The following MAP2 variants were observed in gnomAD, a reference collection of about 807,000 sequenced individuals.
The protein encoded by MAP2 is microtubule associated protein 2.
MAP2 carries 14 observed loss-of-function variants against 137.6 expected under a neutral mutation model. That is an observed-to-expected ratio of 0.10 (90% CI 0.07 to 0.16). MAP2 has a LOEUF of 0.16. Among genes scored for constraint, MAP2 ranks in the 10% least tolerant of loss-of-function variants. The pLI is 1.00. For missense variants in MAP2, 2,088 were observed against 2,191.5 expected (o/e 0.95, Z 0.94); for synonymous variants, 786 against 782.3 (o/e 1.00, Z -0.08).
At chr2:209,497,721 A>G (rs1469922343) in intron 1 of MAP2, among the ~76,000 whole-genome samples, 1 of 152,078 alleles carries the variant, frequency 6.6e-6, no homozygotes, top group East Asian at 1.9e-4. Flanking sequence ...ACAAGAGAGA[A>G]AGAGAGAGTA....
intron 2 of MAP2, among the ~76,000 whole-genome samples, chr2:209,510,515 C>G (rs561898256): frequency 6.6e-6 from 1 of 152,066 alleles, no homozygotes; most frequent in South Asian, 2.1e-4. Context: ...AGGTGAGTAA[C>G]GTGTACATTA....
At chr2:209,527,840 C>A (rs1183382797) in intron 2 of MAP2, among the ~76,000 whole-genome samples, 3 of 152,152 alleles carry the variant, frequency 2.0e-5, no homozygotes, top group Non-Finnish European at 4.4e-5. Context: ...TGCGTTTTGT[C>A]AAGTCTTCCA....
chr2:209,678,494 A>G (rs1042936936), intron 5 of MAP2, 78 bp from the exon 6 acceptor site: 3 of 667,654 alleles, frequency 4.5e-6, no homozygotes, highest in African/African-American at 3.7e-5. Flanking sequence ...ATAATCCACT[A>G]TACTGTTTGG....
At chr2:209,429,246 C>T (rs927902909) in intron 1 of MAP2, among the ~76,000 whole-genome samples, 1 of 152,150 alleles carries the variant, frequency 6.6e-6, no homozygotes, top group East Asian at 1.9e-4. Context: ...AGCCACCGTG[C>T]CCGGCAATTA....
intron 2 of MAP2, among the ~76,000 whole-genome samples, chr2:209,571,387 T>C (rs2074373573): frequency 6.6e-6 from 1 of 152,018 alleles, no homozygotes; most frequent in Non-Finnish European, 1.5e-5. Context: ...GTAAACAGTA[T>C]TCCGATTTCT....
chr2:209,434,154 A>G (rs1695075894), intron 1 of MAP2, among the ~76,000 whole-genome samples: 1 of 152,076 alleles, frequency 6.6e-6, no homozygotes, highest in South Asian at 2.1e-4. Flanking sequence ...TGCTTATACT[A>G]AAATATTTAA....
intron 14 of MAP2, among the ~76,000 whole-genome samples, chr2:209,727,207 T>G (rs2074378016): frequency 1.3e-5 from 2 of 152,206 alleles, no homozygotes; most frequent in African/African-American, 4.8e-5. Flanking sequence ...TTCTCTACTA[T>G]TCATGACGCA....
chr2:209,644,804 C>T (rs1156336892), intron 4 of MAP2, among the ~76,000 whole-genome samples: 3 of 151,690 alleles, frequency 2.0e-5, no homozygotes, highest in African/African-American at 4.8e-5. Flanking sequence ...TTTTAGACTT[C>T]GAAGAAAAGG....
chr2:209,567,585 C>A (rs2073707365), intron 2 of MAP2, among the ~76,000 whole-genome samples: 1 of 151,506 alleles, frequency 6.6e-6, no homozygotes, highest in African/African-American at 2.4e-5. Flanking sequence ...AGTAGATAGA[C>A]CATGCCTAGA....
chr2:209,601,917 A>T (rs2083131528), intron 3 of MAP2, among the ~76,000 whole-genome samples: 1 of 152,222 alleles, frequency 6.6e-6, no homozygotes, highest in Non-Finnish European at 1.5e-5. Flanking sequence ...CCACTTAATG[A>T]CATTTAAGAA....
At chr2:209,616,673 G>A (rs958834530) in intron 3 of MAP2, among the ~76,000 whole-genome samples, 1 of 149,956 alleles carries the variant, frequency 6.7e-6, no homozygotes, top group Admixed American at 6.6e-5. Flanking sequence ...CCAAACAAGG[G>A]GTGTAGTGTA....
chr2:209,462,227 A>G (rs1703003393), intron 1 of MAP2, among the ~76,000 whole-genome samples: 1 of 152,228 alleles, frequency 6.6e-6, no homozygotes, highest in Admixed American at 6.5e-5. Context: ...TGTAGAAAAG[A>G]GAAATAAAAT....
intron 8 of MAP2, 50 bp from the exon 9 acceptor site, chr2:209,696,492 C>T (rs772336711): frequency 6.6e-7 from 1 of 1,523,098 alleles, no homozygotes; most frequent in African/African-American, 1.4e-5. Flanking sequence ...ACACTTGTTA[C>T]TAATGTTTTC....
At chr2:209,528,538 A>G (rs1217452026) in intron 2 of MAP2, among the ~76,000 whole-genome samples, 2 of 152,044 alleles carry the variant, frequency 1.3e-5, no homozygotes, top group Admixed American at 6.6e-5. Flanking sequence ...GCCACATTTC[A>G]TTCTTAACTT....
rs1453868057 is a variant in MAP2, at chr2:209,694,133, C to G, written c.1963C>G (p.Pro655Ala). 1 of 1,613,912 alleles carries G rather than the reference C, an allele frequency of 6.2e-7. No homozygotes were observed. Among genetic ancestry groups the G allele is most frequent in the Non-Finnish European group, 8.5e-7 (1 of 1,179,982 alleles). ...PSDLPEEPSSPQERMFTIDPK... is the reference protein window; with the variant it reads ...PSDLPEEPSSAQERMFTIDPK... ...AGATTTACCTGAAGAACCCAGTTCT[C>G]CTCAAGAAAGAATGTTCACTATTGA... The change falls in exon 8 of 16, where the codon CCT (proline) becomes GCT (alanine). Residue 655 changes from proline (P) to alanine (A), a missense_variant. By Grantham distance (27) the Pro-to-Ala change is conservative. This residue lies in a region of MAP2 where 859 missense variants were observed against 794.5 expected (regional missense o/e 1.08). Coordinates refer to ENST00000682079, the MANE Select transcript of MAP2 (RefSeq NM_001375505.1).
rs571311408 is a variant in MAP2 at position 209,434,850 on chromosome 2, T to TTA, written c.-222+10584_-222+10585dup. 4.2e-4 allele frequency among the ~76,000 whole-genome samples: 50 copies of TTA among 120,022 alleles called. 2 individuals are homozygous for TTA. The East Asian group carries it at 6.3e-3, about 15-fold the overall frequency. The allele number at this position is 120,022 out of a possible 152,430, so 78.7% of individuals were successfully genotyped here. On this transcript the variant is annotated intron_variant, in intron 1 of 15. Transcript: ENST00000682079. ...CTCTCTCTCTATATATATATATATG[T>TTA]TATATATATATGTTATATATATGTT...
chr2:209,653,469 T>C, intron 5 of MAP2, 37 bp downstream of exon 5: 1 of 1,542,334 alleles, frequency 6.5e-7, no homozygotes, highest in South Asian at 1.3e-5. Flanking sequence ...GTGCTTGCTT[T>C]GTGCTTTGAA....
chr2:209,542,429 T>G (rs1368807708), intron 2 of MAP2, among the ~76,000 whole-genome samples: 1 of 152,218 alleles, frequency 6.6e-6, no homozygotes, highest in African/African-American at 2.4e-5. Context: ...GACTTCAATA[T>G]CAAGTCACCA....
At chr2:209,513,384 C>A (rs146938719) in intron 2 of MAP2, among the ~76,000 whole-genome samples, 3 of 152,138 alleles carry the variant, frequency 2.0e-5, no homozygotes, top group African/African-American at 7.2e-5. Context: ...GAAACTGGGG[C>A]CTTTACACTT....
Sources: gnomAD v4.1 joint callset for allele counts (sites outside exome capture counted in the v4.1 genomes callset) on GRCh38, gnomAD v4.1.1 for gene constraint, gnomAD v4.1.1 regional missense constraint, MANE v1.5 for transcripts, NCBI Gene and HGNC (gene_info 2026-07-23, HGNC 2026-07-21) for gene names.